GFRA1: variants seen among roughly 807,000 people sequenced by gnomAD.
GFRA1 encodes the protein GDNF family receptor alpha 1.
GFRA1 carries 16 observed loss-of-function variants against 51.6 expected under a neutral mutation model. That is an observed-to-expected ratio of 0.31 (90% CI 0.21 to 0.47). The LOEUF is 0.47. GFRA1 is among the 20% of genes least tolerant of loss of function. The pLI, the probability that GFRA1 is intolerant of heterozygous loss-of-function variation, is 1.00. For missense variants in GFRA1, 530 were observed against 594.3 expected (o/e 0.89, Z 1.13); for synonymous variants, 270 against 241.3 (o/e 1.12, Z -1.10).
At chr10:116,135,734 G>A (rs564710773) in intron 5 of GFRA1, among the ~76,000 whole-genome samples, 1 of 152,248 alleles carries the variant, frequency 6.6e-6, no homozygotes, top group Non-Finnish European at 1.5e-5. Context: ...ATGTGCAAAT[G>A]GTGATGCAAA....
chr10:116,206,651 G>T (rs777929445), intron 5 of GFRA1, among the ~76,000 whole-genome samples: 10 of 92,848 alleles, frequency 1.1e-4, no homozygotes, highest in Non-Finnish European at 2.0e-4. Flanking sequence ...TTTTTGAGAC[G>T]GAGCCTCACT....
intron 6 of GFRA1, among the ~76,000 whole-genome samples, chr10:116,119,638 C>T (rs116517106): frequency 0.016 from 2,374 of 152,244 alleles, 59 homozygotes; most frequent in African/African-American, 0.054. Flanking sequence ...AAGGCAAGCC[C>T]GGATATAGTG....
chr10:116,112,899 G>A (rs1172827329), intron 6 of GFRA1, among the ~76,000 whole-genome samples: 1 of 152,206 alleles, frequency 6.6e-6, no homozygotes, highest in Non-Finnish European at 1.5e-5. Context: ...GCGCAAGGCA[G>A]GCGCACACCC....
At chr10:116,172,733 C>A (rs1315196587) in intron 5 of GFRA1, among the ~76,000 whole-genome samples, 2 of 152,154 alleles carry the variant, frequency 1.3e-5, no homozygotes, top group Non-Finnish European at 2.9e-5. Flanking sequence ...AGATATATGG[C>A]TGTGTGTCCA....
In GFRA1 at chr10:116,272,055, C is replaced by A. The variant is rs1444602326; in HGVS notation, c.-26G>T. 36 of 1,545,286 alleles carry A rather than the reference C, an allele frequency of 2.3e-5. No individual in the cohort carries two copies. The Admixed American group carries it at 2.7e-4, about 12-fold the overall frequency. On this transcript the variant is annotated 5_prime_UTR_variant, in exon 2 of 11. Coordinates refer to ENST00000355422, the MANE Select transcript of GFRA1 (RefSeq NM_005264.8). The surrounding 1 kb of genome is among the most constrained non-coding windows in gnomAD (Gnocchi z 4.4). ...GGTGCCGGCGCGGGGCTGGTCCCCG[C>A]CCCCCCAAAAAAATCCCGAGCCGCC...
intron 8 of GFRA1, among the ~76,000 whole-genome samples, chr10:116,090,452 A>C (rs1956286711): frequency 6.6e-6 from 1 of 151,350 alleles, no homozygotes; most frequent in Non-Finnish European, 1.5e-5. Flanking sequence ...AAAAAAAAAA[A>C]AACTACCCCA....
chr10:116,152,490 G>A (rs113063778), intron 5 of GFRA1, among the ~76,000 whole-genome samples: 1 of 152,288 alleles, frequency 6.6e-6, no homozygotes, highest in African/African-American at 2.4e-5. Flanking sequence ...GCCCAGCAGA[G>A]GGCAGGGACC....
chr10:116,271,194 C>T, intron 2 of GFRA1, 79 bp from the exon 3 acceptor site: 1 of 1,310,806 alleles, frequency 7.6e-7, no homozygotes, highest in Non-Finnish European at 1.0e-6. Flanking sequence ...GGGCGCGCGC[C>T]CGGGTCAGGG....
chr10:116,147,903 C>CTT (rs71475173), intron 5 of GFRA1, among the ~76,000 whole-genome samples: 3 of 151,504 alleles, frequency 2.0e-5, no homozygotes, highest in Admixed American at 2.0e-4. Context: ...CCGCAGGTGG[C>CTT]TTTTTTTTGG....
chr10:116,083,640 A>G (rs933282353), intron 9 of GFRA1, among the ~76,000 whole-genome samples: 1 of 152,154 alleles, frequency 6.6e-6, no homozygotes, highest in Non-Finnish European at 1.5e-5. Flanking sequence ...GGTCACAGCC[A>G]GTGGAGTCCT....
At chr10:116,226,713 TA>T in intron 4 of GFRA1, 1 of 324,876 alleles carries the variant, frequency 3.1e-6, no homozygotes, top group Non-Finnish European at 6.2e-6. Flanking sequence ...TTGTAATATA[TA>T]ATGAAATAAT....
intron 5 of GFRA1, among the ~76,000 whole-genome samples, chr10:116,159,757 T>G (rs1335476168): frequency 6.6e-6 from 1 of 152,146 alleles, no homozygotes; most frequent in Non-Finnish European, 1.5e-5. Flanking sequence ...CTGTGGCGTG[T>G]GGGCCACAGG....
chr10:116,240,674 C>G (rs1967285409), intron 4 of GFRA1, among the ~76,000 whole-genome samples: 1 of 152,210 alleles, frequency 6.6e-6, no homozygotes, highest in Non-Finnish European at 1.5e-5. Context: ...AGTTAACTCT[C>G]TAACCCATTC....
intron 4 of GFRA1, among the ~76,000 whole-genome samples, chr10:116,239,215 C>A (rs1183014383): frequency 1.3e-5 from 2 of 152,182 alleles, no homozygotes; most frequent in Non-Finnish European, 2.9e-5. Context: ...CACTGTTAGG[C>A]ATTGCATGAC....
At chr10:116,065,144 A>C (rs1955040113) in intron 10 of GFRA1, among the ~76,000 whole-genome samples, 1 of 152,110 alleles carries the variant, frequency 6.6e-6, no homozygotes, top group Non-Finnish European at 1.5e-5. Context: ...CACACAGCAG[A>C]ATTTTCGGTC....
chr10:116,249,986 CT>C (rs759778849), intron 4 of GFRA1, among the ~76,000 whole-genome samples: 2 of 152,106 alleles, frequency 1.3e-5, no homozygotes, highest in Non-Finnish European at 2.9e-5. Context: ...TGGAAGACCT[CT>C]GGTTGAAAAT....
chr10:116,204,407 A>G (rs1334251972), intron 5 of GFRA1, among the ~76,000 whole-genome samples: 4 of 152,268 alleles, frequency 2.6e-5, no homozygotes, highest in African/African-American at 9.6e-5. Flanking sequence ...AGGGCCTAAA[A>G]GAAAGGACAC....
chr10:116,176,532 C>T (rs920851251), intron 5 of GFRA1, among the ~76,000 whole-genome samples: 2 of 152,174 alleles, frequency 1.3e-5, no homozygotes, highest in Non-Finnish European at 2.9e-5. Context: ...GCTGCTCCCC[C>T]TTTACCTTCT....
intron 6 of GFRA1, among the ~76,000 whole-genome samples, chr10:116,109,861 C>A (rs952566975): frequency 1.1e-4 from 16 of 152,290 alleles, no homozygotes; most frequent in Middle Eastern, 6.8e-3. Flanking sequence ...CCCAACTGCC[C>A]TGCAGGGGTG....
Sources: allele counts gnomAD v4.1 joint callset (sites outside exome capture counted in the v4.1 genomes callset), GRCh38; gene constraint gnomAD v4.1.1; non-coding constraint Gnocchi (gnomAD v3.1); transcripts MANE v1.5; gene names NCBI Gene and HGNC (gene_info 2026-07-23, HGNC 2026-07-21).